Variants in VWDE observed in about 807,000 individuals in gnomAD.
The protein encoded by VWDE is von Willebrand factor D and EGF domains.
A neutral mutation model predicts 178.4 loss-of-function variants in VWDE; 207 were observed. That is an observed-to-expected ratio of 1.16 (90% CI 1.04 to 1.30). The LOEUF (loss-of-function observed/expected upper bound fraction) is 1.30. VWDE is among the 50% of genes most tolerant of loss of function. The pLI is 0.00. For synonymous variants in VWDE, 738 were observed against 651.4 expected, an observed-to-expected ratio of 1.13 and a Z score of -2.02; for missense variants, 2,287 against 1,901.3, an observed-to-expected ratio of 1.20 and a Z score of -3.77.
intron 28 of VWDE, among the ~76,000 whole-genome samples, chr7:12,332,722 C>T (rs1053896452): frequency 6.6e-6 from 1 of 152,136 alleles, no homozygotes; most frequent in African/African-American, 2.4e-5. Flanking sequence ...GGGGGCCAAT[C>T]CTACAGGATG....
chr7:12,378,865 T>C (rs1374942067), intron 6 of VWDE, among the ~76,000 whole-genome samples: 1 of 152,178 alleles, frequency 6.6e-6, no homozygotes, highest in Non-Finnish European at 1.5e-5. Context: ...GAACGAGAAA[T>C]GAATCCAGGT....
At position 12,386,100 on chromosome 7, in the gene VWDE, T is replaced by C. The variant is rs571537218; in HGVS notation, c.476-2499A>G. Among the ~76,000 whole-genome samples the C allele has an allele frequency of 3.9e-5, 6 of 152,282 alleles. No homozygotes were observed. In the South Asian group the frequency reaches 6.2e-4, roughly 16 times the overall value. On this transcript the variant is annotated intron_variant, in intron 3 of 28. Coordinates refer to ENST00000275358, the MANE Select transcript of VWDE (RefSeq NM_001135924.3). ...TTTTTTATTAGTTGTCAATGTTTCT[T>C]AAACTAATATAGATAAATGATGGGT...
At chr7:12,341,031 C>T (rs1439759794) in intron 23 of VWDE, among the ~76,000 whole-genome samples, 1 of 152,186 alleles carries the variant, frequency 6.6e-6, no homozygotes, top group African/African-American at 2.4e-5. Flanking sequence ...TATTTTCTTC[C>T]TCACTCCACT....
rs1781493815 is a variant in VWDE at position 12,344,400 on chromosome 7, C to T, written c.3956G>A (p.Gly1319Asp). Residue 1319 changes from glycine to aspartate, a missense_variant, in exon 20 of 29, where the codon GGT (glycine) becomes GAT (aspartate). Physicochemically the swap from Gly to Asp is moderately conservative, Grantham distance 94. Coordinates refer to ENST00000275358, the MANE Select transcript of VWDE (RefSeq NM_001135924.3). ...VAPNICKCKP[G>D]YIGSNCQTAL... ...AGTTTGGCAGTTAGAACCAATGTAA[C>T]CAGGTTTACATTTGCAGATGTTTGG... 1 of 1,550,578 alleles carries T rather than the reference C, an allele frequency of 6.4e-7. No homozygotes were observed. The highest frequency in any genetic ancestry group is 1.4e-5 in the African/African-American group (1 of 72,952).
In VWDE at chr7:12,357,293, C is replaced by A. The variant is rs1305353060; in HGVS notation, c.3497G>T (p.Cys1166Phe). ...AATCGTGACTCTAGTTTCAGCATCG[C>A]AGTCATCATTAAGGCGTACAGTAAT... is the stretch of plus-strand genomic sequence containing the variant. Reference protein sequence around the residue: ...QQITVRLNDDCDAETRVTIEV... With the variant: ...QQITVRLNDDFDAETRVTIEV... Residue 1166 changes from cysteine to phenylalanine, a missense_variant, in exon 17 of 29, where the codon TGC (cysteine) becomes TTC (phenylalanine). Physicochemically the swap from Cys to Phe is radical, Grantham distance 205 (BLOSUM62 -2). Coordinates refer to ENST00000275358, the MANE Select transcript of VWDE (RefSeq NM_001135924.3). 6.4e-7 allele frequency: 1 copy of A among 1,552,264 alleles called. No homozygotes were observed. The highest frequency in any genetic ancestry group is 8.7e-7 in the Non-Finnish European group (1 of 1,147,110).
At chr7:12,360,085 T>C (rs1782491629) in intron 15 of VWDE, among the ~76,000 whole-genome samples, 1 of 152,166 alleles carries the variant, frequency 6.6e-6, no homozygotes, top group Non-Finnish European at 1.5e-5. Context: ...TATAGCTATT[T>C]TCCATTTCCC....
At chr7:12,383,461 C>T (rs1322280310) in intron 4 of VWDE, 75 bp downstream of exon 4, 6 of 1,161,846 alleles carry the variant, frequency 5.2e-6, no homozygotes, top group Non-Finnish European at 6.3e-6. Context: ...ACATCCAAAG[C>T]TGCAGAATAT....
chr7:12,364,896 G>C (rs906777116), intron 13 of VWDE, among the ~76,000 whole-genome samples: 2 of 152,062 alleles, frequency 1.3e-5, no homozygotes, highest in Non-Finnish European at 2.9e-5. Context: ...TTAAGTAAGT[G>C]ATCAAAATTT....
At chr7:12,333,786 T>C (rs1035254218) in intron 27 of VWDE, 9 of 371,018 alleles carry the variant, frequency 2.4e-5, no homozygotes, top group Non-Finnish European at 3.8e-5. Flanking sequence ...AACAACACTT[T>C]TGGAATTCTA....
intron 19 of VWDE, among the ~76,000 whole-genome samples, chr7:12,344,775 G>A (rs890572035): frequency 1.3e-5 from 2 of 152,124 alleles, no homozygotes; most frequent in Non-Finnish European, 2.9e-5. Flanking sequence ...TGAGAAGATA[G>A]AAACAATGCC....
rs149796495 is a variant in VWDE, at chr7:12,358,870, C to T, written c.3274+708G>A. Among the ~76,000 whole-genome samples, 228 of 152,242 alleles carry T rather than the reference C, an allele frequency of 1.5e-3. 2 individuals carry two copies. The highest frequency in any genetic ancestry group is 6.8e-3 in the Middle Eastern group (2 of 294). ...CCCACAGCATTCCATGAGTCTTAAA[C>T]CTAAGCAGTGAATCATCTGGCAAAT... On this transcript the variant is annotated intron_variant, in intron 16 of 28. Coordinates refer to ENST00000275358, the MANE Select transcript of VWDE (RefSeq NM_001135924.3).
At chr7:12,341,551 G>T (rs957048338) in intron 23 of VWDE, among the ~76,000 whole-genome samples, 29 of 151,892 alleles carry the variant, frequency 1.9e-4, no homozygotes, top group African/African-American at 6.8e-4. Context: ...AGAATCACTT[G>T]AACCTGGGAG....
rs772598796 is a variant in VWDE at position 12,336,126 on chromosome 7, A to G, written c.4654+15T>C. 24 of 1,546,748 alleles carry G rather than the reference A, an allele frequency of 1.6e-5. No homozygotes were observed. Among genetic ancestry groups the G allele is most frequent in the Admixed American group, 1.2e-4 (6 of 50,364 alleles). On this transcript the variant is annotated intron_variant, in intron 27 of 28. Transcript: ENST00000275358. ...ATTCAGAACATATAGTAGGAAAAAC[A>G]TCCTGTGGGCTTACGTATTTGACAC...
intron 3 of VWDE, among the ~76,000 whole-genome samples, chr7:12,385,750 G>A (rs768545698): frequency 9.2e-5 from 14 of 152,100 alleles, no homozygotes; most frequent in Non-Finnish European, 1.8e-4. Flanking sequence ...AGCTTCTATC[G>A]GCAAGCCAGA....
chr7:12,390,448 G>A (rs566940165), intron 2 of VWDE, among the ~76,000 whole-genome samples: 1 of 151,656 alleles, frequency 6.6e-6, no homozygotes, highest in Non-Finnish European at 1.5e-5. Flanking sequence ...ACATAGTAAT[G>A]GCTAAAAAAT....
At chr7:12,333,745 C>T (rs764420031) in intron 27 of VWDE, 177 bp from the exon 28 acceptor site, 1 of 423,378 alleles carries the variant, frequency 2.4e-6, no homozygotes, top group Non-Finnish European at 4.2e-6. Flanking sequence ...AGAGCACACG[C>T]ACACATCAAA....
chr7:12,356,297 C>T lies in VWDE; in HGVS notation c.3559G>A (p.Gly1187Arg), dbSNP rs1328411748. Residue 1187 changes from glycine to arginine, a missense_variant, in exon 18 of 29, where the codon GGA becomes AGA. By Grantham distance (125) the Gly-to-Arg change is moderately radical. Transcript: ENST00000275358. Reference protein sequence around the residue: ...TVKSCDCLNGGSCVSDRNFSP... With the variant: ...TVKSCDCLNGRSCVSDRNFSP... ...AAGTTCCTATCAGATACACATGATCCACCATTCAAGCAATCACAAGACTTC... is the reference window on the plus strand; with the variant it reads ...AAGTTCCTATCAGATACACATGATCTACCATTCAAGCAATCACAAGACTTC... 4.5e-6 allele frequency: 7 copies of T among 1,551,332 alleles called. 1 individual carries two copies. In the South Asian group the frequency reaches 8.3e-5, roughly 18 times the overall value.
chr7:12,398,575 T>C (rs1784733220), intron 1 of VWDE, among the ~76,000 whole-genome samples: 1 of 152,110 alleles, frequency 6.6e-6, no homozygotes, highest in Non-Finnish European at 1.5e-5. Flanking sequence ...TGATCTTCCA[T>C]CTCCTCAGCT....
In VWDE at chr7:12,389,139, A is replaced by G; in HGVS notation, c.463T>C (p.Tyr155His). The G allele has an allele frequency of 6.5e-7, 1 of 1,547,116 alleles. No homozygotes were observed. The highest frequency in any genetic ancestry group is 1.4e-5 in the African/African-American group (1 of 72,968). ...GGTGTTTTCTTACCTTCCGCACAGT[A>G]GCCCATACATCCCTGAGTTGGTTGT... is the stretch of plus-strand genomic sequence containing the variant. ...LLQPTQGCMG[Y>H]CAEAISDARL... Residue 155 changes from tyrosine to histidine, a missense_variant, in exon 3 of 29, where the codon TAC (tyrosine) becomes CAC (histidine). Coordinates refer to ENST00000275358, the MANE Select transcript of VWDE (RefSeq NM_001135924.3).
Sources: allele counts gnomAD v4.1 joint callset (sites outside exome capture counted in the v4.1 genomes callset), GRCh38; gene constraint gnomAD v4.1.1; transcripts MANE v1.5; gene names NCBI Gene and HGNC (gene_info 2026-07-23, HGNC 2026-07-21).